The following MED12L variants were observed in gnomAD, a reference collection of about 807,000 sequenced individuals.
MED12L encodes mediator complex subunit 12L, also known as mediator of RNA polymerase II transcription subunit 12-like protein.
Under a neutral mutation model 281.3 loss-of-function variants are expected in MED12L, and 60 were observed. That is an observed-to-expected ratio of 0.21 (90% CI 0.17 to 0.26). The LOEUF is 0.26. Ranked by LOEUF, MED12L falls within the 10% of genes least tolerant of loss-of-function variation. MED12L has a pLI of 1.00. For missense variants in MED12L, 2,146 were observed against 2,680.9 expected, an observed-to-expected ratio of 0.80 and a Z score of 4.41; for synonymous variants, 974 against 987.2, an observed-to-expected ratio of 0.99 and a Z score of 0.25.
chr3:151,086,979 G>A lies in MED12L; in HGVS notation c.53G>A (p.Arg18Gln). ...SYEQRPLKRP[R>Q]LGPPDVYPQD... ...GAGCAGAGACCGCTGAAGCGCCCCC[G>A]GCTCGGGCCGCCCGACGTCTACCCA... is the stretch of plus-strand genomic sequence containing the variant. Residue 18 changes from arginine to glutamine, a missense_variant, in exon 2 of 45, where the codon CGG (arginine) becomes CAG (glutamine). This residue lies in a region of MED12L where 44 missense variants were observed against 39.7 expected (regional missense o/e 1.11). Coordinates refer to ENST00000687756, the MANE Select transcript of MED12L (RefSeq NM_001393769.1). 1.2e-6 allele frequency: 2 copies of A among 1,610,380 alleles called. No individual in the cohort carries two copies. Among genetic ancestry groups the A allele is most frequent in the Non-Finnish European group, 1.7e-6 (2 of 1,179,044 alleles).
chr3:151,334,196 C>CTTTTTTTTTTTTTTT (rs71138494), intron 16 of MED12L, among the ~76,000 whole-genome samples: 92 of 118,150 alleles, frequency 7.8e-4, no homozygotes, highest in African/African-American at 1.2e-3. Context: ...TTCTTTCTTT[C>CTTTTTTTTTTTTTTT]TTTTTTTTTT....
At chr3:151,313,571 T>A (rs1229169101) in intron 16 of MED12L, among the ~76,000 whole-genome samples, 1 of 150,748 alleles carries the variant, frequency 6.6e-6, no homozygotes, top group Non-Finnish European at 1.5e-5. Context: ...TAAGGCCAGG[T>A]GCGGTGGCTC....
intron 2 of MED12L, 30 bp from the exon 3 acceptor site, chr3:151,116,308 T>C: frequency 6.6e-7 from 1 of 1,507,412 alleles, no homozygotes; most frequent in Non-Finnish European, 9.2e-7. Context: ...TTTACATCCT[T>C]CTGCTTAATC....
chr3:151,194,275 T>A (rs900673593), intron 16 of MED12L, among the ~76,000 whole-genome samples: 25 of 152,086 alleles, frequency 1.6e-4, no homozygotes, highest in African/African-American at 6.0e-4. Flanking sequence ...CGTAAATGTG[T>A]TCTAATTTGA....
rs1388619 is a variant in MED12L, at chr3:151,367,387, G to T, written c.3328-259G>T. ...TTCCTGATTTTCCATTTTTGTTGTT[G>T]TGTTTTTCATTTGCATGTATGCAAG... On this transcript the variant is annotated intron_variant, in intron 23 of 44. Coordinates refer to ENST00000687756, the MANE Select transcript of MED12L (RefSeq NM_001393769.1). Among the ~76,000 whole-genome samples the T allele has an allele frequency of 0.76, 116,192 of 152,136 alleles. 45,036 individuals carry two copies. The highest frequency in any genetic ancestry group is 0.89 in the African/African-American group (37,018 of 41,528).
rs73008548 is a variant in MED12L, at chr3:151,407,315, G to A, written c.5821-1928G>A. On this transcript the variant is annotated intron_variant, in intron 39 of 44. Transcript: ENST00000687756. ...TGAATGCAGCTGTCACATGCAGATC[G>A]CATTCTGCTTCCCACAAAGCCAAAA... is the stretch of plus-strand genomic sequence containing the variant. Among the ~76,000 whole-genome samples the A allele has an allele frequency of 3.8e-3, 586 of 152,264 alleles. 3 individuals carry two copies. The highest frequency in any genetic ancestry group is 0.013 in the African/African-American group (557 of 41,538).
chr3:151,217,415 T>C (rs78916286), intron 16 of MED12L, among the ~76,000 whole-genome samples: 2,792 of 152,356 alleles, frequency 0.018, 34 homozygotes, highest in Non-Finnish European at 0.029. Context: ...CCTGGTGATA[T>C]ACACCATTCC....
In MED12L at chr3:151,277,039, G is replaced by A. The variant is rs527861947; in HGVS notation, c.2251-73020G>A. Among the ~76,000 whole-genome samples, 8 of 152,212 alleles carry A rather than the reference G, an allele frequency of 5.3e-5. No homozygotes were observed. In the East Asian group the frequency reaches 1.5e-3, roughly 29 times the overall value. On this transcript the variant is annotated intron_variant, in intron 16 of 44. Coordinates refer to ENST00000687756, the MANE Select transcript of MED12L (RefSeq NM_001393769.1). ...AGCCTCCTGAGTACCTGGGATTACA[G>A]GCATGCACCACTACCACCCAGCTAA...
At chr3:151,190,192 A>G (rs562770421) in intron 13 of MED12L, among the ~76,000 whole-genome samples, 1 of 147,040 alleles carries the variant, frequency 6.8e-6, no homozygotes, top group Non-Finnish European at 1.5e-5. Flanking sequence ...TTTTTTTGAG[A>G]TGGAGTTTCG....
At chr3:151,135,186 C>T (rs996955074) in intron 5 of MED12L, among the ~76,000 whole-genome samples, 1 of 152,006 alleles carries the variant, frequency 6.6e-6, no homozygotes, top group Non-Finnish European at 1.5e-5. Flanking sequence ...CCATCGTGCT[C>T]CTCTAATTTT....
chr3:151,209,859 T>C (rs1163613153), intron 16 of MED12L, among the ~76,000 whole-genome samples: 1 of 152,180 alleles, frequency 6.6e-6, no homozygotes, highest in Non-Finnish European at 1.5e-5. Context: ...CTCTGTTAGA[T>C]AAAGCCAGTG....
At chr3:151,106,429 C>T (rs1722079065) in intron 2 of MED12L, among the ~76,000 whole-genome samples, 4 of 151,108 alleles carry the variant, frequency 2.6e-5, no homozygotes, top group Admixed American at 2.6e-4. Flanking sequence ...CTGCCTCAGC[C>T]TCCCAAAGTA....
At chr3:151,423,716 C>A (rs1396870907) in intron 43 of MED12L, among the ~76,000 whole-genome samples, 1 of 152,146 alleles carries the variant, frequency 6.6e-6, no homozygotes, top group Non-Finnish European at 1.5e-5. Context: ...TAATTCTTAA[C>A]TAAATATGTT....
rs376895313 is a variant in MED12L at position 151,185,342 on chromosome 3, G to A, written c.1507G>A (p.Asp503Asn). 3.7e-6 allele frequency: 6 copies of A among 1,613,716 alleles called. No homozygotes were observed. Among genetic ancestry groups the A allele is most frequent in the Admixed American group, 3.3e-5 (2 of 59,988 alleles). ...TGTTGGTCATTAGGTTGCGCCCAAC[G>A]ATGAAGCTGTGGTGACGCTGTTATG... ...NKDNQEVAPN[D>N]EAVVTLLCEW... Residue 503 changes from aspartate (D) to asparagine (N), a missense_variant, in exon 12 of 45, where the codon GAT (aspartate) becomes AAT (asparagine). Asp to Asn is a conservative substitution (Grantham distance 23). This residue lies in a region of MED12L where 722 missense variants were observed against 861.2 expected (regional missense o/e 0.84). Transcript: ENST00000687756.
chr3:151,249,968 T>C (rs888718191), intron 16 of MED12L, among the ~76,000 whole-genome samples: 5 of 152,188 alleles, frequency 3.3e-5, no homozygotes, highest in African/African-American at 1.2e-4. Context: ...AGAGGCATGC[T>C]CACGATCAAT....
At chr3:151,187,518 A>G (rs1427166034) in intron 12 of MED12L, among the ~76,000 whole-genome samples, 1 of 152,250 alleles carries the variant, frequency 6.6e-6, no homozygotes, top group Admixed American at 6.5e-5. Context: ...ATAGATTGGA[A>G]AAATAATGAT....
intron 16 of MED12L, among the ~76,000 whole-genome samples, chr3:151,267,197 C>G (rs375103597): frequency 6.6e-6 from 1 of 152,110 alleles, no homozygotes; most frequent in Non-Finnish European, 1.5e-5. Context: ...GACAGTATTC[C>G]TTACTGGGAG....
At chr3:151,314,425 C>G (rs1030297667) in intron 16 of MED12L, among the ~76,000 whole-genome samples, 5 of 152,150 alleles carry the variant, frequency 3.3e-5, no homozygotes, top group Admixed American at 3.3e-4. Flanking sequence ...TGCATCTCAT[C>G]TAGTTTTTAA....
At chr3:151,123,253 C>T (rs1032613121) in intron 4 of MED12L, among the ~76,000 whole-genome samples, 6 of 152,100 alleles carry the variant, frequency 3.9e-5, no homozygotes, top group Admixed American at 1.3e-4. Context: ...GGCAAGAAGC[C>T]TTCATTTAAA....
Sources: gnomAD v4.1 joint callset for allele counts (sites outside exome capture counted in the v4.1 genomes callset) on GRCh38, gnomAD v4.1.1 for gene constraint, gnomAD v4.1.1 regional missense constraint, MANE v1.5 for transcripts, NCBI Gene and HGNC (gene_info 2026-07-23, HGNC 2026-07-21) for gene names.